Variants in PRUNE2 observed in about 807,000 individuals in gnomAD.
PRUNE2 encodes prune homolog 2 with BCH domain, also known as protein prune homolog 2.
A neutral mutation model predicts 252.0 loss-of-function variants in PRUNE2; 164 were observed. The observed-to-expected ratio is 0.65, with a 90% CI of 0.57 to 0.74. PRUNE2 has a LOEUF of 0.74. Ranked by LOEUF, PRUNE2 falls within the 30% of genes least tolerant of loss-of-function variation. The pLI, the probability that PRUNE2 is intolerant of heterozygous loss-of-function variation, is 0.00. For missense variants in PRUNE2, 3,495 were observed against 3,711.0 expected (o/e 0.94, Z 1.51); for synonymous variants, 1,292 against 1,350.2 (o/e 0.96, Z 0.94).
chr9:76,746,221 G>A (rs1408238854), intron 6 of PRUNE2, among the ~76,000 whole-genome samples: 2 of 152,166 alleles, frequency 1.3e-5, no homozygotes, highest in Non-Finnish European at 2.9e-5. Flanking sequence ...ACTGATGACT[G>A]TTGGCTGGGG....
In PRUNE2 at chr9:76,703,512, T is replaced by C. The variant is rs776759164; in HGVS notation, c.8101A>G (p.Ser2701Gly). 1 of 1,613,900 alleles carries C rather than the reference T, an allele frequency of 6.2e-7. No homozygotes were observed. Among genetic ancestry groups the C allele is most frequent in the Non-Finnish European group, 8.5e-7 (1 of 1,179,870 alleles). Residue 2701 changes from serine (S) to glycine (G), a missense_variant, in exon 9 of 19, where the codon AGT becomes GGT. Transcript: ENST00000376718. ...GGGCCAGCCCTGCCTCGGCTCTTAC[T>C]CTTCTGTGATTGGCTGACTGGACCA... ...ASGPVSQSQKSKSRGRAGPDA... is the reference protein window; with the variant it reads ...ASGPVSQSQKGKSRGRAGPDA...
At chr9:76,619,191 T>C (rs1587672864) in intron 18 of PRUNE2, 149 bp downstream of exon 18, 2 of 579,596 alleles carry the variant, frequency 3.5e-6, no homozygotes, top group South Asian at 2.3e-5. Flanking sequence ...CTGGCAAATA[T>C]AGCTTCAGGT....
In PRUNE2 at chr9:76,711,045, T is replaced by C. The variant is rs192120864; in HGVS notation, c.1229A>G (p.Asn410Ser). ...ATCCACCTGAGCCTGGTTAGAATCA[T>C]TGAGATCTGGAGGGTTCTCTATGAA... ...VNFIENPPDL[N>S]DSNQAQVDAN... The change falls in exon 8 of 19, where the codon AAT becomes AGT. Residue 410 changes from asparagine to serine, a missense_variant. Transcript: ENST00000376718. The C allele has an allele frequency of 1.1e-4, 179 of 1,614,044 alleles. No individual in the cohort carries two copies. The highest frequency in any genetic ancestry group is 2.3e-4 in the African/African-American group (17 of 75,068).
intron 6 of PRUNE2, among the ~76,000 whole-genome samples, chr9:76,758,177 T>G (rs1426776288): frequency 6.6e-6 from 1 of 152,244 alleles, no homozygotes; most frequent in Non-Finnish European, 1.5e-5. Flanking sequence ...CAGCGTTTTG[T>G]AAGCTTATAG....
intron 16 of PRUNE2, among the ~76,000 whole-genome samples, chr9:76,626,345 G>A: frequency 6.6e-6 from 1 of 152,218 alleles, no homozygotes; most frequent in East Asian, 1.9e-4. Flanking sequence ...TGTGGGAGTG[G>A]CTGAGATTAG....
chr9:76,737,927 AT>A (rs1259319629), intron 6 of PRUNE2: 31 of 152,364 alleles, frequency 2.0e-4, no homozygotes, highest in African/African-American at 7.2e-4. Context: ...TGCATGCATT[AT>A]TTAGTATTCT....
At chr9:76,768,577 ATATG>A (rs751700350) in intron 6 of PRUNE2, among the ~76,000 whole-genome samples, 1,361 of 98,158 alleles carry the variant, frequency 0.014, 20 homozygotes, top group African/African-American at 0.041. Context: ...ATATATATGT[ATATG>A]TATGTGTGTG....
chr9:76,695,222 G>A (rs1023864973), intron 9 of PRUNE2, among the ~76,000 whole-genome samples: 3 of 152,152 alleles, frequency 2.0e-5, no homozygotes, highest in Non-Finnish European at 2.9e-5. Context: ...ATTTTTAGAA[G>A]AGATGGGATT....
intron 9 of PRUNE2, among the ~76,000 whole-genome samples, chr9:76,682,680 TTTTTA>T (rs1241593126): frequency 3.4e-4 from 51 of 152,128 alleles, no homozygotes; most frequent in African/African-American, 2.4e-4. Flanking sequence ...CACTATTAAT[TTTTTA>T]TTTTATTTAT....
intron 6 of PRUNE2, among the ~76,000 whole-genome samples, chr9:76,818,851 C>T (rs2057856227): frequency 6.6e-6 from 1 of 152,132 alleles, no homozygotes; most frequent in African/African-American, 2.4e-5. Flanking sequence ...CAGTAGTATA[C>T]ATTAGGGGTT....
intron 9 of PRUNE2, among the ~76,000 whole-genome samples, chr9:76,697,728 G>A (rs2045522469): frequency 6.6e-6 from 1 of 152,188 alleles, no homozygotes. Context: ...GCTAGACAGA[G>A]AAGACTTAAA....
Position 76,826,747 on chromosome 9 carries a change from T to G in PRUNE2, c.509-15A>C. On this transcript the variant is annotated splice_polypyrimidine_tract_variant and intron_variant, in intron 4 of 18. Transcript: ENST00000376718. ...AAGAATGCTACCTGAAAGGTATGAA[T>G]AAAAATGCTCTTAAAGCTTTCCAGC... 1 of 1,581,488 alleles carries G rather than the reference T, an allele frequency of 6.3e-7. No individual in the cohort carries two copies. Among genetic ancestry groups the G allele is most frequent in the South Asian group, 1.2e-5 (1 of 86,916 alleles).
At chr9:76,637,980 C>G (rs1840865708) in intron 13 of PRUNE2, among the ~76,000 whole-genome samples, 2 of 152,186 alleles carry the variant, frequency 1.3e-5, no homozygotes, top group African/African-American at 4.8e-5. Context: ...TTCTGTTCAT[C>G]TTGGTTTCAG....
chr9:76,771,554 TGG>T (rs1338318569), intron 6 of PRUNE2, among the ~76,000 whole-genome samples: 1 of 151,650 alleles, frequency 6.6e-6, no homozygotes, highest in East Asian at 1.9e-4. Flanking sequence ...ATTGCTGGAG[TGG>T]TAGGGTAATA....
chr9:76,889,439 G>GC (rs974666714), intron 1 of PRUNE2, among the ~76,000 whole-genome samples: 1 of 151,598 alleles, frequency 6.6e-6, no homozygotes, highest in South Asian at 2.1e-4. Context: ...TCTTGCCTCA[G>GC]CCCCCCAAGT....
chr9:76,749,859 G>A (rs1182704880), intron 6 of PRUNE2, among the ~76,000 whole-genome samples: 1 of 152,178 alleles, frequency 6.6e-6, no homozygotes, highest in African/African-American at 2.4e-5. Flanking sequence ...AGGGCAGACT[G>A]GAAATGATTT....
rs1827768770 is a variant in PRUNE2, at chr9:76,612,552, A to C, written c.*2018T>G. ...AACACTGTGTTCTGGGAGAGGTGTA[A>C]TTTGGGCTTTCAAAAGTGGAGGTGG... On this transcript the variant is annotated 3_prime_UTR_variant, in exon 19 of 19. Coordinates refer to ENST00000376718, the MANE Select transcript of PRUNE2 (RefSeq NM_015225.3). 1 of 151,780 alleles carries C rather than the reference A, an allele frequency of 6.6e-6. No individual in the cohort carries two copies. The highest frequency in any genetic ancestry group is 2.1e-4 in the South Asian group (1 of 4,802). 9.4% of individuals were successfully genotyped at this position (151,780 alleles called of 1,614,324 possible).
intron 10 of PRUNE2, 76 bp from the exon 11 acceptor site, chr9:76,652,759 A>C: frequency 1.9e-6 from 2 of 1,030,922 alleles, no homozygotes; most frequent in South Asian, 1.4e-5. Context: ...CAAAATCCCA[A>C]ATGCTCCAAA....
Position 76,709,203 on chromosome 9 carries a change from C to A in PRUNE2, c.3071G>T (p.Ser1024Ile). 1 of 1,613,924 alleles carries A rather than the reference C, an allele frequency of 6.2e-7. No homozygotes were observed. Among genetic ancestry groups the A allele is most frequent in the Non-Finnish European group, 8.5e-7 (1 of 1,179,848 alleles). Residue 1024 changes from serine to isoleucine, a missense_variant, in exon 8 of 19, where the codon AGT becomes ATT. By Grantham distance (142) the Ser-to-Ile change is moderately radical. Transcript: ENST00000376718. ...CATGTCTAGGTTCCCAGGACCTGAA[C>A]TGATTCGATTTCGAGATGACTGTTG... ...SLQQSSRNRI[S>I]SGPGNLDMWA... is the part of the protein sequence containing the mutation.
Sources: allele counts gnomAD v4.1 joint callset (sites outside exome capture counted in the v4.1 genomes callset), GRCh38; gene constraint gnomAD v4.1.1; transcripts MANE v1.5; gene names NCBI Gene and HGNC (gene_info 2026-07-23, HGNC 2026-07-21).